Variants in ARL15 observed in about 807,000 individuals in gnomAD.
The protein encoded by ARL15 is ARF like GTPase 15.
Under a neutral mutation model 25.2 loss-of-function variants are expected in ARL15, and 19 were observed. The ratio of observed to expected loss-of-function variants is 0.75; its 90% CI spans 0.53 to 1.10. The LOEUF is 1.10. Among genes scored for constraint, ARL15 ranks in the 50% least tolerant of loss-of-function variants. ARL15 has a pLI of 0.00. For synonymous variants in ARL15, 94 were observed against 86.8 expected (o/e 1.08, Z -0.46); for missense variants, 220 against 246.0 (o/e 0.89, Z 0.71).
Position 54,310,434 on chromosome 5 carries a change from GA to G in ARL15, c.45del (p.Leu16CysfsTer23), listed in dbSNP as rs1282172857. Reference protein sequence around the residue: ...RITEAFLYMDYLCFRALCCKG... With the variant: ...RITEAFLYMDXLCFRALCCKG... ...TGCCACCCCTGCCCTGCACCTACCA[GA>G]TAATCCATGTACAGAAACGCCTCAG... On this transcript the variant is annotated frameshift_variant, in exon 1 of 5. Coordinates refer to ENST00000504924, the MANE Select transcript of ARL15 (RefSeq NM_019087.3). LOFTEE classifies it high-confidence loss of function. 1 of 1,609,910 alleles carries G rather than the reference GA, an allele frequency of 6.2e-7. No homozygotes were observed. The highest frequency in any genetic ancestry group is 1.1e-5 in the South Asian group (1 of 89,962).
At chr5:54,044,776 T>A (rs1409876274) in intron 4 of ARL15, among the ~76,000 whole-genome samples, 1 of 152,246 alleles carries the variant, frequency 6.6e-6, no homozygotes, top group Admixed American at 6.5e-5. Context: ...CATTACATTT[T>A]AAAAATCTCT....
intron 1 of ARL15, among the ~76,000 whole-genome samples, chr5:54,221,422 A>T (rs760676344): frequency 6.6e-6 from 1 of 152,224 alleles, no homozygotes; most frequent in Non-Finnish European, 1.5e-5. Context: ...TAAATGAAAC[A>T]CAAACTCCAA....
At position 54,171,682 on chromosome 5, in the gene ARL15, A is replaced by G. The variant is rs180673306; in HGVS notation, c.193+102T>C. On this transcript the variant is annotated intron_variant, in intron 2 of 4. Coordinates refer to ENST00000504924, the MANE Select transcript of ARL15 (RefSeq NM_019087.3). ...TTTAAAATTAAAATAAACTGATTAA[A>G]GCATTAAACTATAAGTAGAAGGGAG... 1.3e-4 allele frequency: 174 copies of G among 1,303,072 alleles called. 1 individual carries two copies. Among genetic ancestry groups the G allele is most frequent in the South Asian group, 1.2e-3 (71 of 57,308 alleles). 80.7% of individuals were successfully genotyped at this position (1,303,072 alleles called of 1,614,324 possible). A position where few individuals can be genotyped will look rare whatever the true frequency, so the allele number is the denominator to read the frequency against.
chr5:54,290,092 A>G (rs1375175268), intron 1 of ARL15, among the ~76,000 whole-genome samples: 1 of 152,126 alleles, frequency 6.6e-6, no homozygotes, highest in African/African-American at 2.4e-5. Context: ...CCAGAATGGT[A>G]ACTCTGAGAT....
intron 4 of ARL15, among the ~76,000 whole-genome samples, chr5:54,025,744 G>A (rs1345342715): frequency 6.6e-6 from 1 of 152,136 alleles, no homozygotes; most frequent in Non-Finnish European, 1.5e-5. Flanking sequence ...AAATTGACCA[G>A]GAAGGGATTT....
chr5:54,090,126 A>C (rs1240211061), intron 4 of ARL15, among the ~76,000 whole-genome samples: 1 of 152,212 alleles, frequency 6.6e-6, no homozygotes, highest in Non-Finnish European at 1.5e-5. Context: ...ATTAACATTC[A>C]CAGCATCAGT....
chr5:54,176,835 G>A (rs993862258), intron 1 of ARL15, among the ~76,000 whole-genome samples: 1 of 152,108 alleles, frequency 6.6e-6, no homozygotes, highest in Non-Finnish European at 1.5e-5. Context: ...TGCTCATTGC[G>A]ATTTTCATTT....
chr5:54,126,847 A>T (rs909428252), intron 3 of ARL15, among the ~76,000 whole-genome samples: 2 of 151,484 alleles, frequency 1.3e-5, no homozygotes, highest in Non-Finnish European at 2.9e-5. Flanking sequence ...ATTTATTTTT[A>T]TTTTATTTTA....
intron 1 of ARL15, among the ~76,000 whole-genome samples, chr5:54,273,363 C>T (rs924259647): frequency 3.3e-5 from 5 of 152,146 alleles, no homozygotes; most frequent in African/African-American, 1.2e-4. Flanking sequence ...TACAGTGTCA[C>T]CTATGGAATA....
chr5:54,113,605 T>C (rs1021332424), intron 3 of ARL15, among the ~76,000 whole-genome samples, 195 bp from the exon 4 acceptor site: 1 of 152,186 alleles, frequency 6.6e-6, no homozygotes, highest in Non-Finnish European at 1.5e-5. Flanking sequence ...GTAGAGCCAA[T>C]AGGTAGATTT....
At chr5:53,898,368 GA>G (rs1321654135) in intron 4 of ARL15, among the ~76,000 whole-genome samples, 1 of 152,110 alleles carries the variant, frequency 6.6e-6, no homozygotes, top group East Asian at 1.9e-4. Flanking sequence ...CTACTTTTTG[GA>G]ATGGTTTGAG....
chr5:54,114,872 C>A (rs1752854811), intron 3 of ARL15, among the ~76,000 whole-genome samples: 1 of 152,284 alleles, frequency 6.6e-6, no homozygotes, highest in African/African-American at 2.4e-5. Context: ...AGGAATTTCA[C>A]CAATTTATTG....
intron 4 of ARL15, chr5:54,067,177 C>T (rs1751263493): frequency 6.6e-6 from 1 of 152,630 alleles, no homozygotes. Context: ...GCAAGTAGTG[C>T]TTCACACGGG....
chr5:53,906,743 A>T (rs1361189785), intron 4 of ARL15, among the ~76,000 whole-genome samples: 1 of 152,224 alleles, frequency 6.6e-6, no homozygotes, highest in East Asian at 1.9e-4. Context: ...AATATTATAA[A>T]TTAGACTTAC....
intron 1 of ARL15, among the ~76,000 whole-genome samples, chr5:54,195,114 C>G (rs1463418210): frequency 6.6e-6 from 1 of 152,164 alleles, no homozygotes; most frequent in Non-Finnish European, 1.5e-5. Flanking sequence ...ATAACTACTT[C>G]TCCCCACTTA....
chr5:53,928,826 A>G (rs1746112739), intron 4 of ARL15, among the ~76,000 whole-genome samples: 1 of 152,210 alleles, frequency 6.6e-6, no homozygotes, highest in South Asian at 2.1e-4. Flanking sequence ...TTTATACCAC[A>G]TAAAACTCAC....
At chr5:54,269,434 C>T (rs569294755) in intron 1 of ARL15, among the ~76,000 whole-genome samples, 2 of 152,142 alleles carry the variant, frequency 1.3e-5, no homozygotes, top group East Asian at 3.9e-4. Context: ...TTTTACATTT[C>T]CTGTGGCCGT....
chr5:54,044,482 T>G (rs1336122151), intron 4 of ARL15, among the ~76,000 whole-genome samples: 2 of 152,090 alleles, frequency 1.3e-5, no homozygotes, highest in African/African-American at 4.8e-5. Flanking sequence ...TGACCTCAGG[T>G]GATCCACCCG....
chr5:53,919,075 C>T (rs1193386081), intron 4 of ARL15, among the ~76,000 whole-genome samples: 2 of 152,176 alleles, frequency 1.3e-5, no homozygotes. Context: ...CTGTACAGGA[C>T]ATAATACACC....
Sources: gnomAD v4.1 joint callset for allele counts (sites outside exome capture counted in the v4.1 genomes callset) on GRCh38, gnomAD v4.1.1 for gene constraint, MANE v1.5 for transcripts, NCBI Gene and HGNC (gene_info 2026-07-23, HGNC 2026-07-21) for gene names.